The following CLBA1 variants were observed in gnomAD, a reference collection of about 807,000 sequenced individuals.
CLBA1 encodes the protein clathrin binding box of aftiphilin containing 1.
Under a neutral mutation model 28.8 loss-of-function variants are expected in CLBA1, and 30 were observed. The ratio of observed to expected loss-of-function variants is 1.04; its 90% CI spans 0.78 to 1.41. CLBA1 has a LOEUF of 1.41. Among genes scored for constraint, CLBA1 ranks in the 40% most tolerant of loss-of-function variants. The pLI, the probability that CLBA1 is intolerant of heterozygous loss-of-function variation, is 0.00. For missense variants in CLBA1, 451 were observed against 412.3 expected, an observed-to-expected ratio of 1.09 and a Z score of -0.81; for synonymous variants, 160 against 152.8, an observed-to-expected ratio of 1.05 and a Z score of -0.35.
At chr14:104,994,371 G>C in intron 4 of CLBA1, 1 of 985,450 alleles carries the variant, frequency 1.0e-6, no homozygotes, top group Non-Finnish European at 1.2e-6. Context: ...TGCTGTCTTC[G>C]GGGCTGGCTG....
Position 104,990,121 on chromosome 14 carries a change from C to G in CLBA1, c.569+1033C>G, listed in dbSNP as rs150299305. The G allele has an allele frequency of 2.5e-3, 471 of 191,712 alleles. 2 individuals carry two copies. The highest frequency in any genetic ancestry group is 0.01 in the African/African-American group (454 of 44,124). 11.9% of individuals were successfully genotyped at this position (191,712 alleles called of 1,614,324 possible). Reference sequence around the variant, plus strand: ...AGCAAGCTGACGGTGGGGGTGGGCTCTGTGCTGGCAGCATTGACATCTCTG... The same window carrying G: ...AGCAAGCTGACGGTGGGGGTGGGCTGTGTGCTGGCAGCATTGACATCTCTG... On this transcript the variant is annotated intron_variant, in intron 2 of 4. Coordinates refer to ENST00000547315, the MANE Select transcript of CLBA1 (RefSeq NM_174891.4).
downstream of CLBA1, among the ~76,000 whole-genome samples, chr14:104,997,936 G>C (rs1900183841): frequency 6.6e-6 from 1 of 152,134 alleles, no homozygotes; most frequent in Admixed American, 6.5e-5. Context: ...TTGAACCTGG[G>C]AGGGGAAGGT....
chr14:104,994,397 G>A, intron 4 of CLBA1: 1 of 985,476 alleles, frequency 1.0e-6, no homozygotes, highest in African/African-American at 1.7e-5. Flanking sequence ...CAGAGCCACA[G>A]ACTGCACCAT....
intron 4 of CLBA1, chr14:104,994,003 G>A: frequency 1.0e-6 from 1 of 985,304 alleles, no homozygotes; most frequent in Non-Finnish European, 1.2e-6. Flanking sequence ...ACTGCCCCCA[G>A]CTGACATGGG....
At chr14:104,999,380 A>C (rs188577770), downstream of CLBA1, 46 of 310,218 alleles carry the variant, frequency 1.5e-4, no homozygotes, top group Admixed American at 1.9e-4. Context: ...TCATGCAAAA[A>C]ACCTGGCCAC....
At chr14:104,995,572 A>G, downstream of CLBA1, 1 of 932,424 alleles carries the variant, frequency 1.1e-6, no homozygotes, top group Non-Finnish European at 1.3e-6. Context: ...TCCTGTCCCC[A>G]GGGGAGGCCT....
chr14:104,987,316 T>C (rs1352173088), intron 1 of CLBA1, among the ~76,000 whole-genome samples: 1 of 152,248 alleles, frequency 6.6e-6, no homozygotes, highest in African/African-American at 2.4e-5. Flanking sequence ...GTCCGGGAGC[T>C]TGTAATGAAT....
At chr14:104,997,994 G>A (rs1021837333), downstream of CLBA1, among the ~76,000 whole-genome samples, 1 of 151,876 alleles carries the variant, frequency 6.6e-6, no homozygotes, top group Non-Finnish European at 1.5e-5. Flanking sequence ...GGGCAACAGA[G>A]TGAGACTCTA....
At chr14:104,992,431 G>T (rs1325693087) in intron 3 of CLBA1, among the ~76,000 whole-genome samples, 7 of 152,268 alleles carry the variant, frequency 4.6e-5, no homozygotes, top group Admixed American at 2.0e-4. Flanking sequence ...AACTCAAAAA[G>T]GGCCAGCCAG....
chr14:104,997,875 G>A (rs1900182795), downstream of CLBA1, among the ~76,000 whole-genome samples: 1 of 152,086 alleles, frequency 6.6e-6, no homozygotes, highest in Admixed American at 6.5e-5. Context: ...CAGGCGTGGT[G>A]GCGCATGCCT....
chr14:104,986,980 C>G lies in CLBA1; in HGVS notation c.423+126C>G, dbSNP rs1899884419. On this transcript the variant is annotated intron_variant, in intron 1 of 4. Coordinates refer to ENST00000547315, the MANE Select transcript of CLBA1 (RefSeq NM_174891.4). The stretch of plus-strand genomic sequence containing the variant: ...TGACAGCCCCAGAGCGTCTGCTTCT[C>G]TCCTGGCCTTCGTCCCTGGCCATGT... 4.3e-6 allele frequency: 5 copies of G among 1,156,416 alleles called. No homozygotes were observed. In the South Asian group the frequency reaches 6.0e-5, roughly 14 times the overall value. 71.6% of individuals were successfully genotyped at this position (1,156,416 alleles called of 1,614,324 possible).
rs1900021038 is a variant in CLBA1 at position 104,991,544 on chromosome 14, C to T, written c.623C>T (p.Thr208Ile). Residue 208 changes from threonine (T) to isoleucine (I), a missense_variant, in exon 3 of 5, where the codon ACT (threonine) becomes ATT (isoleucine). Coordinates refer to ENST00000547315, the MANE Select transcript of CLBA1 (RefSeq NM_174891.4). Reference sequence around the variant, plus strand: ...CTTCAGAGCATACACACCACGTCTACTTCTCAGCGCCTCTGGAGCGAGTCC... The same window carrying T: ...CTTCAGAGCATACACACCACGTCTATTTCTCAGCGCCTCTGGAGCGAGTCC... ...RALQSIHTTS[T>I]SQRLWSESRC... 1.2e-6 allele frequency: 2 copies of T among 1,614,116 alleles called. No individual in the cohort carries two copies. The highest frequency in any genetic ancestry group is 1.7e-6 in the Non-Finnish European group (2 of 1,179,960).
At chr14:104,992,175 T>C (rs2582569) in intron 3 of CLBA1, among the ~76,000 whole-genome samples, 119,443 of 147,910 alleles carry the variant, frequency 0.81, 48,154 homozygotes, top group Middle Eastern at 0.88. Context: ...CATGCCACCA[T>C]GCACACACTG....
In CLBA1 at chr14:104,992,944, T is replaced by G; in HGVS notation, c.700-4T>G. On this transcript the variant is annotated splice_polypyrimidine_tract_variant and splice_region_variant and intron_variant, in intron 3 of 4. Transcript: ENST00000547315. ...CGGCTGTCTGATGGGGTCTGTCTCC[T>G]TAGAACCTTTCTGGAGGCCAGGGCC... The G allele has an allele frequency of 6.2e-7, 1 of 1,610,594 alleles. No individual in the cohort carries two copies. The highest frequency in any genetic ancestry group is 1.7e-5 in the Admixed American group (1 of 60,020).
At chr14:104,998,922 G>C (rs376673325), downstream of CLBA1, among the ~76,000 whole-genome samples, 1 of 152,258 alleles carries the variant, frequency 6.6e-6, no homozygotes, top group African/African-American at 2.4e-5. Context: ...TGGAGGACCA[G>C]ACCCAAGAGG....
downstream of CLBA1, among the ~76,000 whole-genome samples, chr14:104,996,679 G>A (rs908839146): frequency 2.6e-5 from 4 of 152,346 alleles, no homozygotes; most frequent in East Asian, 1.9e-4. Flanking sequence ...CAAAAAGGAC[G>A]GCAGTCCGGC....
intron 2 of CLBA1, among the ~76,000 whole-genome samples, chr14:105,001,008 A>G (rs182584615): frequency 7.2e-5 from 11 of 151,966 alleles, no homozygotes; most frequent in Non-Finnish European, 1.3e-4. Context: ...GGTGTCCAAC[A>G]ACAGATGAAT....
At chr14:104,989,669 G>C (rs112197784) in intron 2 of CLBA1, 8 of 456,032 alleles carry the variant, frequency 1.8e-5, no homozygotes, top group South Asian at 1.2e-4. Flanking sequence ...GACAGACAGC[G>C]CTCGAGTGGA....
Position 104,993,081 on chromosome 14 carries a change from G to C in CLBA1, c.816+17G>C. The stretch of plus-strand genomic sequence containing the variant: ...CAGACCAAGGTGAGTGGTCACCAAG[G>C]AGAGGCCTCAGGGAACCGCGCTGGC... On this transcript the variant is annotated intron_variant, in intron 4 of 4. Transcript: ENST00000547315. 5.0e-6 allele frequency: 8 copies of C among 1,609,760 alleles called. No homozygotes were observed. The highest frequency in any genetic ancestry group is 6.8e-6 in the Non-Finnish European group (8 of 1,177,684).
Sources: gnomAD v4.1 joint callset for allele counts (sites outside exome capture counted in the v4.1 genomes callset) on GRCh38, gnomAD v4.1.1 for gene constraint, MANE v1.5 for transcripts, NCBI Gene and HGNC (gene_info 2026-07-23, HGNC 2026-07-21) for gene names.